BLTP3B: variants seen among roughly 807,000 people sequenced by gnomAD.
BLTP3B encodes UHRF1 (ICBP90) binding protein 1-like.
At chr12:100,109,707 A>G in the BLTP3B span, among the ~76,000 whole-genome samples, 2 of 151,614 alleles carry the variant, frequency 1.3e-5, no homozygotes, top group Non-Finnish European at 2.9e-5. Context: ...TGGAGAATGC[A>G]GTGAGCTGAG....
chr12:100,094,331 G>C, the BLTP3B span, among the ~76,000 whole-genome samples: 1 of 152,066 alleles, frequency 6.6e-6, no homozygotes, highest in Non-Finnish European at 1.5e-5. Flanking sequence ...GGCTGGTCCT[G>C]AATTATTGGC....
chr12:100,124,963 TATATATATATA>T, the BLTP3B span, among the ~76,000 whole-genome samples: 1 of 117,134 alleles, frequency 8.5e-6, no homozygotes, highest in African/African-American at 3.1e-5. Flanking sequence ...TATATATATA[TATATATATATA>T]TATATTTATA....
chr12:100,048,108 A>G, the BLTP3B span: 20 of 1,613,268 alleles, frequency 1.2e-5, no homozygotes, highest in Admixed American at 1.7e-5. Flanking sequence ...CTGCAAGTAA[A>G]GAGTGTATTA....
the BLTP3B span, among the ~76,000 whole-genome samples, chr12:100,053,297 C>T: frequency 6.6e-6 from 1 of 150,924 alleles, no homozygotes; most frequent in Non-Finnish European, 1.5e-5. Flanking sequence ...CCCAGCTATT[C>T]AGGAGGCTGA....
chr12:100,048,735 GGAGAGAGAGAGAGAGA>G, the BLTP3B span, among the ~76,000 whole-genome samples: 2 of 119,554 alleles, frequency 1.7e-5, no homozygotes, highest in African/African-American at 6.9e-5. Context: ...GTAAGGGGGG[GGAGAGAGAGAGAGAGA>G]GAGAGAGAGA....
chr12:100,048,757 A>AGT, the BLTP3B span, among the ~76,000 whole-genome samples: 18 of 133,326 alleles, frequency 1.4e-4, no homozygotes, highest in African/African-American at 2.7e-4. Context: ...AGAGAGAGAG[A>AGT]GAGAGTGAGA....
the BLTP3B span, among the ~76,000 whole-genome samples, chr12:100,117,795 C>G: frequency 1.3e-5 from 2 of 152,304 alleles, no homozygotes; most frequent in African/African-American, 4.8e-5. Context: ...GCCACCGCAC[C>G]TGACCTTTGG....
the BLTP3B span, among the ~76,000 whole-genome samples, chr12:100,049,817 T>C: frequency 2.0e-5 from 3 of 152,312 alleles, no homozygotes; most frequent in Admixed American, 6.5e-5. Flanking sequence ...GATTTTATTT[T>C]GCCTTTTTAT....
At chr12:100,117,100 G>C in the BLTP3B span, among the ~76,000 whole-genome samples, 1 of 152,144 alleles carries the variant, frequency 6.6e-6, no homozygotes, top group African/African-American at 2.4e-5. Context: ...GGAGAAAATA[G>C]AGAAATCTTC....
the BLTP3B span, among the ~76,000 whole-genome samples, chr12:100,040,036 AT>A: frequency 1.6e-5 from 2 of 127,838 alleles, no homozygotes; most frequent in African/African-American, 6.6e-5. Flanking sequence ...TACATAATTT[AT>A]TATGTTTTTA....
chr12:100,134,340 C>G, the BLTP3B span, among the ~76,000 whole-genome samples: 1 of 152,198 alleles, frequency 6.6e-6, no homozygotes, highest in African/African-American at 2.4e-5. Context: ...CGCAGTGGCT[C>G]AGGCCTGTAA....
At chr12:100,108,670 C>T in the BLTP3B span, 674 of 732,434 alleles carry the variant, frequency 9.2e-4, 3 homozygotes, top group South Asian at 0.014. Context: ...TGTCCATCAA[C>T]GACAAATGGA....
At chr12:100,142,860 T>C in the BLTP3B span, 2 of 511,596 alleles carry the variant, frequency 3.9e-6, no homozygotes, top group East Asian at 4.3e-5. Flanking sequence ...GGCTGCAGCA[T>C]CACCTAAGAG....
chr12:100,083,039 G>T, the BLTP3B span: 1 of 1,613,520 alleles, frequency 6.2e-7, no homozygotes, highest in Non-Finnish European at 8.5e-7. Flanking sequence ...AAATCTGCAA[G>T]TCTAACCACA....
the BLTP3B span, chr12:100,142,867 A>C: frequency 1.3e-5 from 6 of 463,228 alleles, no homozygotes; most frequent in African/African-American, 2.1e-5. Flanking sequence ...GCATCACCTA[A>C]GAGACTCGGT....
the BLTP3B span, among the ~76,000 whole-genome samples, chr12:100,064,245 A>C: frequency 6.6e-6 from 1 of 152,226 alleles, no homozygotes; most frequent in Non-Finnish European, 1.5e-5. Context: ...AAAGAAAAAA[A>C]GAATAAGAAA....
At chr12:100,068,202 C>G in the BLTP3B span, among the ~76,000 whole-genome samples, 24 of 152,274 alleles carry the variant, frequency 1.6e-4, no homozygotes, top group South Asian at 4.1e-3. Context: ...CAAATACTTA[C>G]AGCTAACTGA....
At chr12:100,104,204 C>CTTTTTTTCT in the BLTP3B span, among the ~76,000 whole-genome samples, 214 of 131,662 alleles carry the variant, frequency 1.6e-3, 4 homozygotes, top group East Asian at 0.029. Context: ...TTCTTTTTTT[C>CTTTTTTTCT]TTTTTTTTTT....
the BLTP3B span, among the ~76,000 whole-genome samples, chr12:100,119,505 T>G: frequency 6.6e-6 from 1 of 152,130 alleles, no homozygotes; most frequent in Admixed American, 6.6e-5. Flanking sequence ...CTGAAAAAGA[T>G]GAACAAAGTT....
Sources: allele counts gnomAD v4.1 joint callset (sites outside exome capture counted in the v4.1 genomes callset), GRCh38; gene constraint gnomAD v4.1.1; transcripts MANE v1.5; gene names NCBI Gene and HGNC (gene_info 2026-07-23, HGNC 2026-07-21).